The following GPR137C variants were observed in gnomAD, a reference collection of about 807,000 sequenced individuals.
GPR137C encodes integral membrane protein GPR137C.
Under a neutral mutation model 43.4 loss-of-function variants are expected in GPR137C, and 27 were observed. The observed-to-expected ratio is 0.62, with a 90% confidence interval of 0.46 to 0.86. GPR137C has a LOEUF of 0.86. Ranked by LOEUF, GPR137C falls within the 40% of genes least tolerant of loss-of-function variation. The probability of loss-of-function intolerance (pLI) is 0.00; values close to 1 mark genes in which losing one functional copy is unlikely to be tolerated. For synonymous variants in GPR137C, 285 were observed against 226.9 expected, an observed-to-expected ratio of 1.26 and a Z score of -2.30; for missense variants, 522 against 534.6, an observed-to-expected ratio of 0.98 and a Z score of 0.23.
chr14:52,599,434 C>CTTT (rs376009711), intron 2 of GPR137C, among the ~76,000 whole-genome samples: 3 of 139,722 alleles, frequency 2.1e-5, no homozygotes, highest in Admixed American at 7.3e-5. Context: ...TTTTTTTTTC[C>CTTT]TTTTTTTTTT....
chr14:52,601,053 A>C (rs2038918125), intron 3 of GPR137C, among the ~76,000 whole-genome samples: 1 of 152,200 alleles, frequency 6.6e-6, no homozygotes, highest in African/African-American at 2.4e-5. Context: ...ACAGAAGCCA[A>C]ATAGTAGCCC....
chr14:52,556,001 T>C (rs58454189), intron 1 of GPR137C, among the ~76,000 whole-genome samples: 8,435 of 151,552 alleles, frequency 0.056, 264 homozygotes, highest in Middle Eastern at 0.075. Context: ...TTGATCATTC[T>C]GAATTAATGA....
intron 1 of GPR137C, among the ~76,000 whole-genome samples, chr14:52,582,387 G>GTATT (rs1362535438): frequency 6.6e-6 from 1 of 152,048 alleles, no homozygotes; most frequent in Non-Finnish European, 1.5e-5. Flanking sequence ...TCAAGTCTTG[G>GTATT]GATACTTGTA....
At chr14:52,575,638 C>T (rs1481601277) in intron 1 of GPR137C, among the ~76,000 whole-genome samples, 1 of 152,028 alleles carries the variant, frequency 6.6e-6, no homozygotes, top group Non-Finnish European at 1.5e-5. Flanking sequence ...TATTTGTCAC[C>T]TTAGAAGATT....
chr14:52,614,958 A>G (rs1316562241), intron 3 of GPR137C, among the ~76,000 whole-genome samples: 3 of 152,100 alleles, frequency 2.0e-5, no homozygotes, highest in Middle Eastern at 3.4e-3. Context: ...AAGCTTTTTA[A>G]CTCGATAGGA....
rs1400712336 is a variant in GPR137C at position 52,556,522 on chromosome 14, G to GA, written c.444+2941dup. Among the ~76,000 whole-genome samples, 55 of 143,666 alleles carry GA rather than the reference G, an allele frequency of 3.8e-4. No individual in the cohort carries two copies. The East Asian group carries it at 4.4e-3, about 12-fold the overall frequency. 94.3% of individuals were successfully genotyped at this position (143,666 alleles called of 152,430 possible). A position where few individuals can be genotyped will look rare whatever the true frequency, so the allele number is the denominator to read the frequency against. On this transcript the variant is annotated intron_variant, in intron 1 of 6. Coordinates refer to ENST00000321662, the MANE Select transcript of GPR137C (RefSeq NM_001099652.2). ...GAAGCCTATAGTTGAGAGAGAGGGG[G>GA]AAAAAAAAAAGAAAAGCCACCTTGT...
chr14:52,610,141 C>G (rs964836105), intron 3 of GPR137C, among the ~76,000 whole-genome samples: 1 of 152,192 alleles, frequency 6.6e-6, no homozygotes, highest in Admixed American at 6.5e-5. Flanking sequence ...AGACTATCCC[C>G]CATTCTGATT....
In GPR137C at chr14:52,632,148, T is replaced by C. The variant is rs893580735; in HGVS notation, c.718-12T>C. The C allele has an allele frequency of 3.2e-6, 5 of 1,586,802 alleles. No homozygotes were observed. The highest frequency in any genetic ancestry group is 4.3e-6 in the Non-Finnish European group (5 of 1,157,500). The stretch of plus-strand genomic sequence containing the variant: ...GTAGAATACTAAAGATGATGATTTT[T>C]ATTTGTTTTAGGGTATGTCTCTGTG... On this transcript the variant is annotated splice_polypyrimidine_tract_variant and intron_variant, in intron 3 of 6. Transcript: ENST00000321662.
intron 1 of GPR137C, among the ~76,000 whole-genome samples, chr14:52,561,343 C>T (rs1472686404): frequency 1.3e-5 from 2 of 152,190 alleles, no homozygotes; most frequent in Non-Finnish European, 2.9e-5. Flanking sequence ...CGTGGTGGCA[C>T]AGGCCTATGG....
intron 1 of GPR137C, among the ~76,000 whole-genome samples, chr14:52,560,478 G>A (rs183367791): frequency 2.0e-5 from 3 of 152,306 alleles, no homozygotes; most frequent in East Asian, 3.9e-4. Context: ...AAAGAAGGAC[G>A]AAGTTGAAGG....
chr14:52,599,912 G>A (rs2038903364), intron 2 of GPR137C, among the ~76,000 whole-genome samples: 1 of 152,172 alleles, frequency 6.6e-6, no homozygotes, highest in Non-Finnish European at 1.5e-5. Flanking sequence ...ATAGTGTTAA[G>A]ATAGTCCTAT....
intron 1 of GPR137C, among the ~76,000 whole-genome samples, chr14:52,556,268 A>C (rs1042029731): frequency 6.6e-6 from 1 of 152,158 alleles, no homozygotes; most frequent in Non-Finnish European, 1.5e-5. Flanking sequence ...TTAAGGACTT[A>C]GTTATAAAGA....
At chr14:52,630,454 A>G (rs548926144) in intron 3 of GPR137C, among the ~76,000 whole-genome samples, 1 of 132,000 alleles carries the variant, frequency 7.6e-6, no homozygotes. Flanking sequence ...AACTTTTATT[A>G]ACTTTTTTTG....
At chr14:52,570,593 A>G (rs1212320860) in intron 1 of GPR137C, among the ~76,000 whole-genome samples, 4 of 152,198 alleles carry the variant, frequency 2.6e-5, no homozygotes, top group South Asian at 4.1e-4. Context: ...TCCTATATTC[A>G]GGAGACCCGT....
intron 3 of GPR137C, among the ~76,000 whole-genome samples, chr14:52,608,767 C>G (rs1023153935): frequency 3.3e-5 from 5 of 151,948 alleles, no homozygotes; most frequent in Non-Finnish European, 5.9e-5. Context: ...ACTCCTGGCC[C>G]GTAATGTTTC....
chr14:52,574,843 G>A (rs557209302), intron 1 of GPR137C, among the ~76,000 whole-genome samples: 10 of 152,116 alleles, frequency 6.6e-5, no homozygotes, highest in Non-Finnish European at 1.2e-4. Flanking sequence ...GGTGAATCTG[G>A]TGCTGCCTCT....
intron 1 of GPR137C, among the ~76,000 whole-genome samples, chr14:52,574,350 A>T (rs969731533): frequency 3.9e-5 from 6 of 152,244 alleles, no homozygotes; most frequent in Admixed American, 3.9e-4. Flanking sequence ...TGGATAAAGA[A>T]AATGTGGCAC....
At chr14:52,576,806 A>G (rs965949046) in intron 1 of GPR137C, among the ~76,000 whole-genome samples, 14 of 152,174 alleles carry the variant, frequency 9.2e-5, no homozygotes, top group African/African-American at 2.9e-4. Context: ...GCGAGTCTCA[A>G]TAAGTTTTTA....
intron 1 of GPR137C, among the ~76,000 whole-genome samples, chr14:52,564,447 C>G (rs139379073): frequency 3.2e-4 from 49 of 152,186 alleles, no homozygotes; most frequent in African/African-American, 1.2e-3. Context: ...TTTTAGTCCT[C>G]TACTTGCCAT....
Sources: gnomAD v4.1 joint callset for allele counts (sites outside exome capture counted in the v4.1 genomes callset) on GRCh38, gnomAD v4.1.1 for gene constraint, MANE v1.5 for transcripts, NCBI Gene and HGNC (gene_info 2026-07-23, HGNC 2026-07-21) for gene names.